Variants in IL1RAPL1 observed in about 807,000 individuals in gnomAD.
IL1RAPL1 encodes interleukin-1 receptor accessory protein-like 1.
In IL1RAPL1, 3 loss-of-function variants were observed where a neutral mutation model predicts 48.4. The observed-to-expected ratio is 0.06, with a 90% CI of 0.03 to 0.16. The LOEUF is 0.16. IL1RAPL1 is among the 10% of genes least tolerant of loss of function. The probability of loss-of-function intolerance (pLI) is 1.00; values close to 1 mark genes in which losing one functional copy is unlikely to be tolerated. For synonymous variants in IL1RAPL1, 185 were observed against 187.7 expected (o/e 0.99, Z 0.12); for missense variants, 349 against 530.6 (o/e 0.66, Z 3.36).
At chrX:28,885,132 G>A (rs371700924) in intron 2 of IL1RAPL1, among the ~76,000 whole-genome samples, 7 of 111,216 alleles carry the variant, frequency 6.3e-5, no homozygotes, top group African/African-American at 1.3e-4. Context: ...AAAATGCTTC[G>A]TATCCACAAG....
At chrX:29,552,081 C>T (rs898871755) in intron 5 of IL1RAPL1, among the ~76,000 whole-genome samples, 1 of 111,198 alleles carries the variant, frequency 9.0e-6, no homozygotes, top group African/African-American at 3.3e-5. Context: ...AGGCTTTGTT[C>T]CAGGCCATTG....
chrX:29,816,297 C>G (rs1424571637), intron 6 of IL1RAPL1, among the ~76,000 whole-genome samples: 1 of 111,322 alleles, frequency 9.0e-6, no homozygotes, highest in East Asian at 2.8e-4. Flanking sequence ...ATGAACACCT[C>G]TATGCACAGA....
At chrX:29,752,087 TATATA>T (rs1198838779) in intron 6 of IL1RAPL1, among the ~76,000 whole-genome samples, 5 of 99,684 alleles carry the variant, frequency 5.0e-5, no homozygotes, top group African/African-American at 1.8e-4. Flanking sequence ...TATGTATATA[TATATA>T]TATATATATA....
chrX:29,591,929 G>A (rs1285172693), intron 5 of IL1RAPL1, among the ~76,000 whole-genome samples: 2 of 112,037 alleles, frequency 1.8e-5, no homozygotes, highest in African/African-American at 6.5e-5. Context: ...CCTCTGACCT[G>A]CTATTGAATC....
At chrX:29,563,023 C>G (rs991445044) in intron 5 of IL1RAPL1, among the ~76,000 whole-genome samples, 6 of 111,348 alleles carry the variant, frequency 5.4e-5, no homozygotes, top group Non-Finnish European at 9.4e-5. Flanking sequence ...AATGCAGTAA[C>G]AAATGACCCT....
intron 3 of IL1RAPL1, among the ~76,000 whole-genome samples, chrX:29,327,429 C>T (rs1932849937): frequency 9.4e-6 from 1 of 106,554 alleles, no homozygotes; most frequent in East Asian, 2.9e-4. Context: ...CCTTGGGCAA[C>T]TTTCTCTTAG....
At chrX:28,944,638 G>A (rs189448249) in intron 2 of IL1RAPL1, among the ~76,000 whole-genome samples, 25 of 110,048 alleles carry the variant, frequency 2.3e-4, no homozygotes, top group African/African-American at 8.2e-4. Flanking sequence ...AAAAATATCC[G>A]ACATGAAAAA....
intron 2 of IL1RAPL1, among the ~76,000 whole-genome samples, chrX:28,868,478 C>T (rs73631615): frequency 0.023 from 2,531 of 110,689 alleles, 68 homozygotes; most frequent in African/African-American, 0.079. Context: ...TTGATATTTG[C>T]GAGGGTTTTA....
At chrX:29,415,110 A>G (rs1239134469) in intron 5 of IL1RAPL1, among the ~76,000 whole-genome samples, 2 of 111,991 alleles carry the variant, frequency 1.8e-5, no homozygotes, top group Non-Finnish European at 3.8e-5. Flanking sequence ...TTTTATGACA[A>G]TTAAGTCTCT....
intron 2 of IL1RAPL1, among the ~76,000 whole-genome samples, chrX:29,247,960 G>C (rs1337070093): frequency 9.0e-6 from 1 of 111,481 alleles, no homozygotes; most frequent in Non-Finnish European, 1.9e-5. Context: ...GAACACACTA[G>C]GGTTCTTGAC....
intron 3 of IL1RAPL1, among the ~76,000 whole-genome samples, chrX:29,373,520 T>C (rs930895921): frequency 2.7e-5 from 3 of 111,249 alleles, no homozygotes; most frequent in African/African-American, 9.8e-5. Flanking sequence ...GGTCCCAGCT[T>C]TTGTCCATTC....
At chrX:29,327,774 C>T (rs1029988745) in intron 3 of IL1RAPL1, among the ~76,000 whole-genome samples, 4 of 109,047 alleles carry the variant, frequency 3.7e-5, no homozygotes, top group Non-Finnish European at 7.6e-5. Flanking sequence ...CTGCAAGAGA[C>T]CAGAGAGTAA....
chrX:28,791,062 T>G (rs1222675156), intron 2 of IL1RAPL1, among the ~76,000 whole-genome samples: 1 of 112,106 alleles, frequency 8.9e-6, no homozygotes, highest in Non-Finnish European at 1.9e-5. Flanking sequence ...CTTTAAAACT[T>G]TATTTTTCTG....
At chrX:29,329,853 C>T (rs898613334) in intron 3 of IL1RAPL1, among the ~76,000 whole-genome samples, 1 of 108,374 alleles carries the variant, frequency 9.2e-6, no homozygotes, top group Non-Finnish European at 1.9e-5. Context: ...CATGTTACAA[C>T]ATTGCTGACC....
rs201857180 is a variant in IL1RAPL1, at chrX:29,003,369, A to G, written c.82+213944A>G. ...GACATCAGGTGCCAAGTACCTACAA[A>G]CATTTAAACAAGGGAAGGGTTTTAT... On this transcript the variant is annotated intron_variant, in intron 2 of 10. Transcript: ENST00000378993. 5.4e-5 allele frequency among the ~76,000 whole-genome samples: 6 copies of G among 112,051 alleles called. No individual in the cohort carries two copies. The East Asian group carries it at 1.4e-3, about 26-fold the overall frequency.
In IL1RAPL1 at chrX:29,641,320, G is replaced by A. The variant is rs140261831; in HGVS notation, c.704-27110G>A. On this transcript the variant is annotated intron_variant, in intron 5 of 10. Coordinates refer to ENST00000378993, the MANE Select transcript of IL1RAPL1 (RefSeq NM_014271.4). ...TTATCCTTCTGTTATTTCCTTAGCC[G>A]ATTTCCTTAACTCATTCACCTGCGT... is the stretch of plus-strand genomic sequence containing the variant. 1.5e-3 allele frequency among the ~76,000 whole-genome samples: 169 copies of A among 112,929 alleles called. 2 individuals carry two copies. The highest frequency in any genetic ancestry group is 5.2e-3 in the African/African-American group (162 of 31,134).
At chrX:29,605,052 T>G (rs1923842960) in intron 5 of IL1RAPL1, among the ~76,000 whole-genome samples, 1 of 96,392 alleles carries the variant, frequency 1.0e-5, no homozygotes, top group African/African-American at 4.0e-5. Context: ...GCTTCTGTGC[T>G]AAAATTTCCT....
intron 2 of IL1RAPL1, among the ~76,000 whole-genome samples, chrX:28,790,722 G>A (rs1251240642): frequency 1.8e-5 from 2 of 112,321 alleles, no homozygotes; most frequent in Non-Finnish European, 3.8e-5. Context: ...TTCTGAATGA[G>A]ATAAAACCCT....
At chrX:29,145,630 G>A (rs1474463114) in intron 2 of IL1RAPL1, among the ~76,000 whole-genome samples, 1 of 111,352 alleles carries the variant, frequency 9.0e-6, no homozygotes, top group African/African-American at 3.3e-5. Context: ...TCTCCAACAC[G>A]AGACAGGCCA....
Sources: allele counts gnomAD v4.1 joint callset (sites outside exome capture counted in the v4.1 genomes callset), GRCh38; gene constraint gnomAD v4.1.1; transcripts MANE v1.5; gene names NCBI Gene and HGNC (gene_info 2026-07-23, HGNC 2026-07-21).